Variants in ST14 observed in about 807,000 individuals in gnomAD.
ST14 encodes the protein suppressor of tumorigenicity 14 protein.
In ST14, 40 loss-of-function variants were observed where a neutral mutation model predicts 96.5. The ratio of observed to expected loss-of-function variants is 0.41; its 90% CI spans 0.32 to 0.54. The LOEUF is 0.54. ST14 is among the 20% of genes least tolerant of loss of function. The pLI is 0.17. For synonymous variants in ST14, 506 were observed against 492.1 expected (o/e 1.03, Z -0.37); for missense variants, 1,066 against 1,188.9 (o/e 0.90, Z 1.52).
At chr11:130,209,608 G>T (rs759134209) in intron 18 of ST14, 30 bp downstream of exon 18, 1 of 1,590,812 alleles carries the variant, frequency 6.3e-7, no homozygotes, top group Non-Finnish European at 8.6e-7. Flanking sequence ...GGCGGCAGGT[G>T]GGCCCCGGGA....
intron 12 of ST14, 25 bp from the exon 13 acceptor site, chr11:130,198,283 C>A (rs1953388975): frequency 3.1e-6 from 5 of 1,608,898 alleles, no homozygotes; most frequent in Non-Finnish European, 3.4e-6. Flanking sequence ...GGCCTCACGG[C>A]CGACCTCCCC....
chr11:130,191,189 T>G (rs1448390648), intron 7 of ST14, among the ~76,000 whole-genome samples: 1 of 151,696 alleles, frequency 6.6e-6, no homozygotes, highest in Non-Finnish European at 1.5e-5. Context: ...CTATAAAAAA[T>G]AAAAAGCTTA....
In ST14 at chr11:130,185,196, C is replaced by G. The variant is rs375964948; in HGVS notation, c.82-2918C>G. ...GCATTCATGGAACAAATACAAGATG[C>G]CATGAAAGAGGAAAATTCAAAGAAA... On this transcript the variant is annotated intron_variant, in intron 1 of 18. Coordinates refer to ENST00000278742, the MANE Select transcript of ST14 (RefSeq NM_021978.4). 6.6e-5 allele frequency among the ~76,000 whole-genome samples: 10 copies of G among 151,838 alleles called. No homozygotes were observed. The East Asian group carries it at 1.7e-3, about 26-fold the overall frequency.
At position 130,210,188 on chromosome 11, in the gene ST14, G is replaced by A; in HGVS notation, c.*365G>A. ...GCTTCGGGGCCTCCTCAGTGAAGGT[G>A]GTGGGGCTGCCGGATCTGGGCTGTG... On this transcript the variant is annotated 3_prime_UTR_variant, in exon 19 of 19. Coordinates refer to ENST00000278742, the MANE Select transcript of ST14 (RefSeq NM_021978.4). 1 of 233,380 alleles carries A rather than the reference G, an allele frequency of 4.3e-6. No homozygotes were observed. The allele number at this position is 233,380 out of a possible 1,614,324, so 14.5% of individuals were successfully genotyped here. A position where few individuals can be genotyped will look rare whatever the true frequency, so the allele number is the denominator to read the frequency against.
chr11:130,169,102 T>G (rs1953065947), intron 1 of ST14, among the ~76,000 whole-genome samples: 2 of 143,286 alleles, frequency 1.4e-5, no homozygotes, highest in South Asian at 2.3e-4. Flanking sequence ...GTTTTTTTTT[T>G]TTTTTTTTTT....
intron 1 of ST14, among the ~76,000 whole-genome samples, chr11:130,175,020 C>CGA (rs1953123095): frequency 6.6e-6 from 1 of 152,140 alleles, no homozygotes; most frequent in African/African-American, 2.4e-5. Flanking sequence ...CTCTGCATGC[C>CGA]GAGAGAGCAT....
In ST14 at chr11:130,188,171, G is replaced by A; in HGVS notation, c.139G>A (p.Val47Met). Reference protein sequence around the residue: ...EFLPVNNVKKVEKHGPGRWVV... With the variant: ...EFLPVNNVKKMEKHGPGRWVV... Reference sequence around the variant, plus strand: ...CCTGCCAGTCAACAACGTCAAGAAGGTGGAAAAGCATGGCCCGGGGCGCTG... The same window carrying A: ...CCTGCCAGTCAACAACGTCAAGAAGATGGAAAAGCATGGCCCGGGGCGCTG... Residue 47 changes from valine to methionine, a missense_variant, in exon 2 of 19, where the codon GTG becomes ATG. Val to Met is a conservative substitution (Grantham distance 21). Transcript: ENST00000278742. The surrounding 1 kb of genome is among the most constrained non-coding windows in gnomAD (Gnocchi z 5.4). 6.2e-7 allele frequency: 1 copy of A among 1,614,242 alleles called. No individual in the cohort carries two copies. The highest frequency in any genetic ancestry group is 8.5e-7 in the Non-Finnish European group (1 of 1,180,046).
chr11:130,161,218 C>A (rs559101105), intron 1 of ST14, among the ~76,000 whole-genome samples: 1 of 152,340 alleles, frequency 6.6e-6, no homozygotes, highest in Admixed American at 6.5e-5. Flanking sequence ...ACTTTTCACC[C>A]TCAGCAAGGA....
chr11:130,175,130 AT>A (rs1953124015), intron 1 of ST14, among the ~76,000 whole-genome samples: 1 of 152,136 alleles, frequency 6.6e-6, no homozygotes, highest in South Asian at 2.1e-4. Context: ...AATTCATTAT[AT>A]CTATCACGTG....
chr11:130,193,821 T>C (rs987871814), intron 7 of ST14, among the ~76,000 whole-genome samples: 2 of 152,296 alleles, frequency 1.3e-5, no homozygotes, highest in Admixed American at 6.5e-5. Flanking sequence ...ACTAGCGCCT[T>C]CCATCAGTGA....
chr11:130,190,550 G>T lies in ST14; in HGVS notation c.731G>T (p.Cys244Phe). The change falls in exon 7 of 19, where the codon TGC becomes TTC. Residue 244 changes from cysteine to phenylalanine, a missense_variant. By Grantham distance (205) the Cys-to-Phe change is radical. Coordinates refer to ENST00000278742, the MANE Select transcript of ST14 (RefSeq NM_021978.4). ...PDSPYPAHAR[C>F]QWALRGDADS... is the part of the protein sequence containing the mutation. The stretch of plus-strand genomic sequence containing the variant: ...AGCCCCTACCCCGCTCATGCCCGCT[G>T]CCAGTGGGCCCTGCGGGGGGACGCC... The T allele has an allele frequency of 6.2e-7, 1 of 1,612,094 alleles. No individual in the cohort carries two copies.
rs1345002878 is a variant in ST14, at chr11:130,159,993, G to A, written c.14G>A (p.Arg5Gln). ...GCCTCGGGGACCATGGGGAGCGATC[G>A]GGCCCGCAAGGGCGGAGGGGGCCCG... MGSD[R>Q]ARKGGGGPKD... Residue 5 changes from arginine to glutamine, a missense_variant, in exon 1 of 19, where the codon CGG (arginine) becomes CAG (glutamine). Coordinates refer to ENST00000278742, the MANE Select transcript of ST14 (RefSeq NM_021978.4). 7.1e-7 allele frequency: 1 copy of A among 1,403,924 alleles called. No individual in the cohort carries two copies. The highest frequency in any genetic ancestry group is 1.6e-5 in the South Asian group (1 of 64,502). 87.0% of individuals were successfully genotyped at this position (1,403,924 alleles called of 1,614,324 possible). A position where few individuals can be genotyped will look rare whatever the true frequency, so the allele number is the denominator to read the frequency against.
In ST14 at chr11:130,187,953, G is replaced by A. The variant is rs113994418; in HGVS notation, c.82-161G>A. Among the ~76,000 whole-genome samples, 12 of 152,292 alleles carry A rather than the reference G, an allele frequency of 7.9e-5. No individual in the cohort carries two copies. Among genetic ancestry groups the A allele is most frequent in the African/African-American group, 2.9e-4 (12 of 41,564 alleles). On this transcript the variant is annotated intron_variant, in intron 1 of 18. Transcript: ENST00000278742. The surrounding 1 kb of genome is among the most constrained non-coding windows in gnomAD (Gnocchi z 4.5). The stretch of plus-strand genomic sequence containing the variant: ...TTCATGTCCCGGGGTCTGCGCTCTG[G>A]GCAGTGGTCCCCATGCCTCTGGGGG...
chr11:130,205,596 G>A (rs1194116495), intron 16 of ST14, among the ~76,000 whole-genome samples: 1 of 152,116 alleles, frequency 6.6e-6, no homozygotes, highest in Non-Finnish European at 1.5e-5. Flanking sequence ...CAAAAACACG[G>A]ATGCTGTCCC....
chr11:130,168,876 A>C (rs1953063893), intron 1 of ST14, among the ~76,000 whole-genome samples: 1 of 152,128 alleles, frequency 6.6e-6, no homozygotes, highest in Non-Finnish European at 1.5e-5. Flanking sequence ...GGCTGCAGGC[A>C]GGCTTGGGTT....
At chr11:130,206,567 C>CT (rs57270082) in intron 16 of ST14, among the ~76,000 whole-genome samples, 71,855 of 143,036 alleles carry the variant, frequency 0.5, 17,790 homozygotes, top group South Asian at 0.63. Flanking sequence ...CTTTTCTTTT[C>CT]TTTTTTTTTT....
chr11:130,196,407 G>T lies in ST14; in HGVS notation c.1182G>T (p.Ala394=). The change falls in exon 10 of 19, where the codon GCG becomes GCT. Residue 394 remains alanine (A), a synonymous_variant. Transcript: ENST00000278742. ...FFYLLEPGVP[A]GTCPKDYVEI... ...ACCTGCTGGAGCCCGGCGTGCCTGC[G>T]GGCACCTGCCCCAAGGACTACGTGG... 1 of 1,610,372 alleles carries T rather than the reference G, an allele frequency of 6.2e-7. No individual in the cohort carries two copies. Among genetic ancestry groups the T allele is most frequent in the Non-Finnish European group, 8.5e-7 (1 of 1,178,604 alleles).
intron 1 of ST14, among the ~76,000 whole-genome samples, chr11:130,178,627 C>A (rs1483552571): frequency 6.6e-6 from 1 of 152,162 alleles, no homozygotes; most frequent in African/African-American, 2.4e-5. Flanking sequence ...CAGGCTGTAA[C>A]CAGGTGTGGG....
intron 1 of ST14, among the ~76,000 whole-genome samples, chr11:130,172,577 C>G (rs1953102721): frequency 1.3e-5 from 2 of 152,016 alleles, no homozygotes; most frequent in South Asian, 4.2e-4. Context: ...ACCACCATAC[C>G]CGGCTAATTT....
Sources: gnomAD v4.1 joint callset for allele counts (sites outside exome capture counted in the v4.1 genomes callset) on GRCh38, gnomAD v4.1.1 for gene constraint, Gnocchi (gnomAD v3.1) non-coding constraint, MANE v1.5 for transcripts, NCBI Gene and HGNC (gene_info 2026-07-23, HGNC 2026-07-21) for gene names.